The following FGGY variants were observed in gnomAD, a reference collection of about 807,000 sequenced individuals.
FGGY encodes the protein FGGY carbohydrate kinase domain containing.
In FGGY, 72 loss-of-function variants were observed where a neutral mutation model predicts 71.3. The observed-to-expected ratio is 1.01, with a 90% CI of 0.84 to 1.23. The LOEUF is 1.23. Among genes scored for constraint, FGGY ranks in the 50% most tolerant of loss-of-function variants. The probability of loss-of-function intolerance (pLI) is 0.00; values close to 1 mark genes in which losing one functional copy is unlikely to be tolerated. For missense variants in FGGY, 668 were observed against 682.3 expected, an observed-to-expected ratio of 0.98 and a Z score of 0.23; for synonymous variants, 251 against 250.3, an observed-to-expected ratio of 1.00 and a Z score of -0.02.
At chr1:59,574,278 A>G (rs911448542) in intron 8 of FGGY, among the ~76,000 whole-genome samples, 1 of 152,094 alleles carries the variant, frequency 6.6e-6, no homozygotes, top group Non-Finnish European at 1.5e-5. Context: ...TGGCCACATC[A>G]TTCCAGCCTT....
chr1:59,441,394 G>A (rs72913777), intron 5 of FGGY, among the ~76,000 whole-genome samples: 84 of 152,316 alleles, frequency 5.5e-4, no homozygotes, highest in African/African-American at 1.9e-3. Context: ...GTTGACTTGA[G>A]CAGGCTGAAC....
intron 6 of FGGY, among the ~76,000 whole-genome samples, chr1:59,460,692 G>C (rs188437306): frequency 6.6e-6 from 1 of 152,280 alleles, no homozygotes; most frequent in East Asian, 1.9e-4. Flanking sequence ...GCCCCTCTGG[G>C]ATGAAGCTTC....
At chr1:59,365,234 C>T (rs923956013) in intron 4 of FGGY, among the ~76,000 whole-genome samples, 1 of 152,010 alleles carries the variant, frequency 6.6e-6, no homozygotes, top group Non-Finnish European at 1.5e-5. Context: ...AGGTAAGATC[C>T]CTGGGGAGCA....
intron 4 of FGGY, among the ~76,000 whole-genome samples, chr1:59,370,042 C>T (rs2057323656): frequency 6.6e-6 from 1 of 152,116 alleles, no homozygotes; most frequent in Non-Finnish European, 1.5e-5. Flanking sequence ...TCCTCACCAG[C>T]AATGGAACAA....
chr1:59,592,456 A>G (rs993660343), intron 8 of FGGY, among the ~76,000 whole-genome samples: 9 of 152,158 alleles, frequency 5.9e-5, no homozygotes, highest in Non-Finnish European at 8.8e-5. Flanking sequence ...AAGGACTATA[A>G]ATCATGCTGG....
chr1:59,430,009 G>A (rs1572053859), intron 5 of FGGY, among the ~76,000 whole-genome samples: 1 of 152,108 alleles, frequency 6.6e-6, no homozygotes, highest in South Asian at 2.1e-4. Flanking sequence ...TGGCTAAATG[G>A]TGCCTAAGTC....
rs532048156 is a variant in FGGY at position 59,584,254 on chromosome 1, G to A, written c.904-23549G>A. On this transcript the variant is annotated intron_variant, in intron 8 of 15. Coordinates refer to ENST00000303721, the MANE Select transcript of FGGY (RefSeq NM_018291.5). ...TAGACCAATATCCCTGATGAACATC[G>A]ATGCAAAAATCCTCAATAAAATACT... Among the ~76,000 whole-genome samples the A allele has an allele frequency of 8.7e-5, 13 of 149,602 alleles. 1 individual carries two copies. The South Asian group carries it at 1.7e-3, about 20-fold the overall frequency.
At chr1:59,587,403 C>A (rs571378452) in intron 8 of FGGY, among the ~76,000 whole-genome samples, 3 of 152,100 alleles carry the variant, frequency 2.0e-5, no homozygotes, top group Admixed American at 6.5e-5. Flanking sequence ...TAACCCCTGC[C>A]GACTTAAATG....
chr1:59,600,067 A>C (rs538887542), intron 8 of FGGY, among the ~76,000 whole-genome samples: 2 of 152,324 alleles, frequency 1.3e-5, no homozygotes, highest in East Asian at 3.9e-4. Context: ...GACGCTTAAG[A>C]GAGTACAGGA....
Position 59,339,954 on chromosome 1 carries a change from A to T in FGGY, c.202-4A>T. Reference sequence around the variant, plus strand: ...ATTTATGTTTTTATTTGTTTTTAAAACAGAAAGTTGTACAAGGGATTGATT... The same window carrying T: ...ATTTATGTTTTTATTTGTTTTTAAATCAGAAAGTTGTACAAGGGATTGATT... On this transcript the variant is annotated splice_polypyrimidine_tract_variant and splice_region_variant and intron_variant, in intron 2 of 15. Coordinates refer to ENST00000303721, the MANE Select transcript of FGGY (RefSeq NM_018291.5). 6.3e-7 allele frequency: 1 copy of T among 1,589,040 alleles called. No individual in the cohort carries two copies. The highest frequency in any genetic ancestry group is 8.6e-7 in the Non-Finnish European group (1 of 1,160,174).
In FGGY at chr1:59,476,365, A is replaced by C. The variant is rs116787152; in HGVS notation, c.670+19289A>C. Among the ~76,000 whole-genome samples, 612 of 152,332 alleles carry C rather than the reference A, an allele frequency of 4.0e-3. 6 individuals are homozygous for C. The highest frequency in any genetic ancestry group is 0.014 in the African/African-American group (586 of 41,578). ...AGGTACTACTATATTCATTTTACTG[A>C]TGAGGAAATTAAGGAAAGGAGAGGT... On this transcript the variant is annotated intron_variant, in intron 6 of 15. Transcript: ENST00000303721.
chr1:59,620,072 T>C (rs190828506), intron 9 of FGGY, among the ~76,000 whole-genome samples: 137 of 152,166 alleles, frequency 9.0e-4, no homozygotes, highest in Non-Finnish European at 4.6e-4. Context: ...GTGGATTCAA[T>C]GTTATGGAGT....
At chr1:59,758,132 G>T in intron 15 of FGGY, 140 bp downstream of exon 15, 1 of 565,842 alleles carries the variant, frequency 1.8e-6, no homozygotes, top group Non-Finnish European at 3.0e-6. Context: ...AAGTTCCAGG[G>T]AGGTAATGTC....
intron 7 of FGGY, among the ~76,000 whole-genome samples, chr1:59,546,388 A>G (rs1375920149): frequency 3.1e-5 from 3 of 97,768 alleles, no homozygotes; most frequent in African/African-American, 4.5e-5. Context: ...GTAGAAAAAG[A>G]CCTTCCCTAT....
chr1:59,382,989 C>T (rs953462060), intron 5 of FGGY, among the ~76,000 whole-genome samples: 103 of 152,096 alleles, frequency 6.8e-4, no homozygotes, highest in African/African-American at 2.4e-3. Flanking sequence ...TGCATACACA[C>T]GGTGGACTAA....
In FGGY at chr1:59,533,094, C is replaced by G. The variant is rs990417927; in HGVS notation, c.799+20655C>G. Among the ~76,000 whole-genome samples the G allele has an allele frequency of 1.4e-4, 21 of 152,042 alleles. 1 individual carries two copies. The highest frequency in any genetic ancestry group is 2.1e-4 in the Non-Finnish European group (14 of 68,008). Reference sequence around the variant, plus strand: ...GATTTCTGCATTTCCGTCTGAGGTACGGGGTTCATCTCACTAGGGAGTGCC... The same window carrying G: ...GATTTCTGCATTTCCGTCTGAGGTAGGGGGTTCATCTCACTAGGGAGTGCC... On this transcript the variant is annotated intron_variant, in intron 7 of 15. Coordinates refer to ENST00000303721, the MANE Select transcript of FGGY (RefSeq NM_018291.5).
chr1:59,612,360 G>T (rs1366664467), intron 9 of FGGY, among the ~76,000 whole-genome samples: 1 of 152,178 alleles, frequency 6.6e-6, no homozygotes, highest in African/African-American at 2.4e-5. Flanking sequence ...TTAAAGAAAA[G>T]AATTTTCAAC....
At chr1:59,396,297 G>A (rs896646196) in intron 5 of FGGY, among the ~76,000 whole-genome samples, 2 of 152,176 alleles carry the variant, frequency 1.3e-5, no homozygotes, top group East Asian at 1.9e-4. Context: ...TGACATTAAT[G>A]TGGGGACTAA....
At chr1:59,456,007 G>A (rs2091649103) in intron 5 of FGGY, among the ~76,000 whole-genome samples, 1 of 152,214 alleles carries the variant, frequency 6.6e-6, no homozygotes, top group Non-Finnish European at 1.5e-5. Flanking sequence ...ATTAAATATT[G>A]CCTTAGACTG....
Sources: gnomAD v4.1 joint callset for allele counts (sites outside exome capture counted in the v4.1 genomes callset) on GRCh38, gnomAD v4.1.1 for gene constraint, MANE v1.5 for transcripts, NCBI Gene and HGNC (gene_info 2026-07-23, HGNC 2026-07-21) for gene names.